Variants in CENPC observed in about 807,000 individuals in gnomAD.
CENPC encodes the protein centromere protein C.
Under a neutral mutation model 112.1 loss-of-function variants are expected in CENPC, and 63 were observed. The ratio of observed to expected loss-of-function variants is 0.56; its 90% CI spans 0.46 to 0.69. The LOEUF is 0.69. CENPC is among the 30% of genes least tolerant of loss of function. The pLI, the probability that CENPC is intolerant of heterozygous loss-of-function variation, is 0.00. For synonymous variants in CENPC, 333 were observed against 367.6 expected (o/e 0.91, Z 1.08); for missense variants, 1,000 against 1,103.8 (o/e 0.91, Z 1.33).
intron 7 of CENPC, 131 bp downstream of exon 7, chr4:67,518,024 GA>G: frequency 1.8e-6 from 1 of 549,080 alleles, no homozygotes; most frequent in South Asian, 3.8e-5. Context: ...TTACAGGTCA[GA>G]AAAAATTTCA....
chr4:67,491,415 T>C (rs899768848), intron 16 of CENPC, among the ~76,000 whole-genome samples: 29 of 134,166 alleles, frequency 2.2e-4, no homozygotes, highest in African/African-American at 6.8e-4. Flanking sequence ...AATGGTACAG[T>C]CATAACAGTT....
chr4:67,536,178 T>C (rs62301110), intron 4 of CENPC, among the ~76,000 whole-genome samples: 35,956 of 151,924 alleles, frequency 0.24, 4,587 homozygotes, highest in Non-Finnish European at 0.29. Flanking sequence ...AAGAGAGTAA[T>C]AACTATGAGG....
At chr4:67,476,358 G>A (rs1032942427) in intron 17 of CENPC, among the ~76,000 whole-genome samples, 13 of 152,316 alleles carry the variant, frequency 8.5e-5, no homozygotes, top group Middle Eastern at 3.4e-3. Context: ...TGAAAGGGGG[G>A]AAAGTCTGCC....
At chr4:67,489,822 C>G (rs1725189885) in intron 17 of CENPC, 145 bp downstream of exon 17, 1 of 630,476 alleles carries the variant, frequency 1.6e-6, no homozygotes, top group Non-Finnish European at 2.6e-6. Context: ...TGACTCTAAA[C>G]AGATTTAACA....
At chr4:67,484,601 T>C (rs1725038320) in intron 17 of CENPC, among the ~76,000 whole-genome samples, 1 of 152,226 alleles carries the variant, frequency 6.6e-6, no homozygotes, top group African/African-American at 2.4e-5. Flanking sequence ...GAAAATCTAA[T>C]GCCAACTCCC....
At chr4:67,522,978 T>C (rs1255937353) in intron 5 of CENPC, among the ~76,000 whole-genome samples, 1 of 150,528 alleles carries the variant, frequency 6.6e-6, no homozygotes, top group Non-Finnish European at 1.5e-5. Flanking sequence ...CCAGCCTGGG[T>C]GATAAGGGCA....
chr4:67,498,057 C>T (rs1725489629), intron 12 of CENPC, among the ~76,000 whole-genome samples: 1 of 151,772 alleles, frequency 6.6e-6, no homozygotes, highest in Admixed American at 6.6e-5. Context: ...ATGGCGAAAC[C>T]CCATCTCTAC....
intron 16 of CENPC, among the ~76,000 whole-genome samples, chr4:67,491,393 C>T (rs1180492998): frequency 1.4e-5 from 2 of 142,846 alleles, no homozygotes; most frequent in Non-Finnish European, 3.0e-5. Flanking sequence ...GGACAAACAG[C>T]CCTTAGTACT....
intron 9 of CENPC, among the ~76,000 whole-genome samples, chr4:67,510,354 C>T (rs979006251): frequency 6.6e-6 from 1 of 152,168 alleles, no homozygotes; most frequent in African/African-American, 2.4e-5. Context: ...AGGAAGCTTT[C>T]CCTAATTTCC....
At chr4:67,493,137 T>C (rs1049989840) in intron 14 of CENPC, 140 bp from the exon 15 acceptor site, 1 of 608,888 alleles carries the variant, frequency 1.6e-6, no homozygotes, top group Non-Finnish European at 2.7e-6. Context: ...ATAACACAAA[T>C]ACCAACCAAT....
chr4:67,542,412 A>G (rs1726913615), intron 2 of CENPC, among the ~76,000 whole-genome samples: 1 of 152,228 alleles, frequency 6.6e-6, no homozygotes, highest in Admixed American at 6.5e-5. Flanking sequence ...TGCAGTAATT[A>G]AAAACTGTGA....
At chr4:67,501,240 G>A (rs1160761254) in intron 12 of CENPC, among the ~76,000 whole-genome samples, 2 of 152,104 alleles carry the variant, frequency 1.3e-5, no homozygotes, top group African/African-American at 4.8e-5. Context: ...CCTGGGAGGT[G>A]GAGGTTACAA....
intron 18 of CENPC, among the ~76,000 whole-genome samples, chr4:67,473,252 G>A (rs1724718273): frequency 6.6e-6 from 1 of 151,998 alleles, no homozygotes; most frequent in East Asian, 1.9e-4. Context: ...ATTTTAAAAA[G>A]GCAAATGCTA....
At chr4:67,475,034 A>C in intron 17 of CENPC, 56 bp from the exon 18 acceptor site, 1 of 925,754 alleles carries the variant, frequency 1.1e-6, no homozygotes, top group Non-Finnish European at 1.6e-6. Flanking sequence ...AATACTTCAA[A>C]GGAACCTTAA....
At position 67,530,789 on chromosome 4, in the gene CENPC, A is replaced by AT. The variant is rs780921603; in HGVS notation, c.331+25dup. The AT allele has an allele frequency of 3.3e-6, 4 of 1,206,210 alleles. No individual in the cohort carries two copies. In the South Asian group the frequency reaches 5.6e-5, roughly 17 times the overall value. The allele number at this position is 1,206,210 out of a possible 1,614,324, so 74.7% of individuals were successfully genotyped here. On this transcript the variant is annotated intron_variant, in intron 5 of 18. Coordinates refer to ENST00000273853, the MANE Select transcript of CENPC (RefSeq NM_001812.4). ...TCATTTTTTAAATATATCCAAGCAAATAATGCCCATGGAGATGGCACCAAC... is the reference window on the plus strand; with the variant it reads ...TCATTTTTTAAATATATCCAAGCAAATTAATGCCCATGGAGATGGCACCAAC...
intron 4 of CENPC, 113 bp downstream of exon 4, chr4:67,539,727 G>C (rs1726830482): frequency 1.8e-6 from 1 of 550,720 alleles, no homozygotes; most frequent in Non-Finnish European, 3.1e-6. Flanking sequence ...TGGGAATATA[G>C]AATTCCCTTT....
intron 12 of CENPC, among the ~76,000 whole-genome samples, chr4:67,497,080 C>T (rs1172886633): frequency 1.3e-5 from 2 of 152,058 alleles, no homozygotes; most frequent in African/African-American, 4.8e-5. Context: ...TTGAGAAGAA[C>T]TTGTAATAAA....
intron 12 of CENPC, among the ~76,000 whole-genome samples, chr4:67,500,161 T>C (rs1332763579): frequency 6.6e-6 from 1 of 151,514 alleles, no homozygotes; most frequent in Non-Finnish European, 1.5e-5. Flanking sequence ...GGTGAGCACA[T>C]GCTATTGAAA....
At chr4:67,474,347 G>A (rs979856694) in intron 18 of CENPC, among the ~76,000 whole-genome samples, 1 of 152,102 alleles carries the variant, frequency 6.6e-6, no homozygotes, top group African/African-American at 2.4e-5. Context: ...TTACAGGCAT[G>A]AGCCACCATG....
Sources: allele counts gnomAD v4.1 joint callset (sites outside exome capture counted in the v4.1 genomes callset), GRCh38; gene constraint gnomAD v4.1.1; transcripts MANE v1.5; gene names NCBI Gene and HGNC (gene_info 2026-07-23, HGNC 2026-07-21).